Variants in TASOR2 observed in about 807,000 individuals in gnomAD.
TASOR2 encodes the protein protein TASOR 2.
In TASOR2, 84 loss-of-function variants were observed where a neutral mutation model predicts 199.5. That is an observed-to-expected ratio of 0.42 (90% CI 0.35 to 0.50). The LOEUF (loss-of-function observed/expected upper bound fraction) is 0.50, where lower values mean the gene tolerates loss of function less well. Among genes scored for constraint, TASOR2 ranks in the 20% least tolerant of loss-of-function variants. TASOR2 has a pLI of 0.02. For missense variants in TASOR2, 2,796 were observed against 2,835.9 expected (o/e 0.99, Z 0.32); for synonymous variants, 1,103 against 1,046.6 (o/e 1.05, Z -1.04).
intron 1 of TASOR2, among the ~76,000 whole-genome samples, chr10:5,688,689 C>A (rs948970383): frequency 4.6e-5 from 7 of 152,124 alleles, no homozygotes. Context: ...GCAGCTCTTT[C>A]ACATGACACA....
chr10:5,694,762 C>A (rs1417299273), intron 1 of TASOR2, among the ~76,000 whole-genome samples: 1 of 152,136 alleles, frequency 6.6e-6, no homozygotes, highest in African/African-American at 2.4e-5. Flanking sequence ...ATCTGGTGAA[C>A]GTTATATAGT....
intron 1 of TASOR2, chr10:5,712,366 C>G: frequency 8.1e-7 from 1 of 1,230,396 alleles, no homozygotes; most frequent in Non-Finnish European, 1.0e-6. Flanking sequence ...TCTTAAATAG[C>G]TGCGTTATTT....
chr10:5,739,544 A>G, intron 12 of TASOR2, 74 bp from the exon 14 acceptor site: 2 of 1,384,108 alleles, frequency 1.4e-6, no homozygotes, highest in African/African-American at 2.9e-5. Flanking sequence ...TGAATTAACC[A>G]TCATAGTAAT....
intron 6 of TASOR2, among the ~76,000 whole-genome samples, chr10:5,721,827 G>T (rs1833394856): frequency 6.6e-6 from 1 of 152,164 alleles, no homozygotes; most frequent in African/African-American, 2.4e-5. Flanking sequence ...ACTTACCAGT[G>T]GAGTAAACTG....
At chr10:5,747,254 A>G in exon 15 of TASOR2, 1 of 1,614,198 alleles carries the variant, frequency 6.2e-7, no homozygotes. Flanking sequence ...TTATCAGAGG[A>G]AGATTCTGAC....
intron 17 of TASOR2, 137 bp downstream of exon 18, chr10:5,757,810 C>T: frequency 1.2e-6 from 1 of 831,784 alleles, no homozygotes; most frequent in Non-Finnish European, 1.9e-6. Context: ...ATAATTTCTG[C>T]TGTCTGCTGT....
At chr10:5,745,893 T>C (rs1243809633) in intron 14 of TASOR2, among the ~76,000 whole-genome samples, 1 of 152,214 alleles carries the variant, frequency 6.6e-6, no homozygotes, top group Non-Finnish European at 1.5e-5. Context: ...TTAAAGTCTT[T>C]TAAATTGTCA....
intron 2 of TASOR2, among the ~76,000 whole-genome samples, chr10:5,715,536 T>C (rs1832514882): frequency 6.6e-6 from 1 of 152,210 alleles, no homozygotes; most frequent in South Asian, 2.1e-4. Flanking sequence ...AGGCATATTG[T>C]AGCATGAACC....
At position 5,701,239 on chromosome 10, in the gene TASOR2, G is replaced by A. The variant is rs1321426727; in HGVS notation, c.-287-11584G>A. On this transcript the variant is annotated intron_variant, in intron 1 of 20. Transcript: ENST00000328090. The surrounding 1 kb of genome is among the most constrained non-coding windows in gnomAD (Gnocchi z 4.9). The stretch of plus-strand genomic sequence containing the variant: ...CCCACCACCGTTTATCAAAGAGACT[G>A]TCCTTTTCCCATTGTATGTTTTAGC... 1.3e-5 allele frequency among the ~76,000 whole-genome samples: 2 copies of A among 152,114 alleles called. No individual in the cohort carries two copies. Among genetic ancestry groups the A allele is most frequent in the African/African-American group, 2.4e-5 (1 of 41,416 alleles).
Position 5,720,253 on chromosome 10 carries a change from A to C in TASOR2, c.-99-291A>C. 1 of 985,246 alleles carries C rather than the reference A, an allele frequency of 1.0e-6. No individual in the cohort carries two copies. The highest frequency in any genetic ancestry group is 4.7e-5 in the South Asian group (1 of 21,290). The allele number at this position is 985,246 out of a possible 1,614,324, so 61.0% of individuals were successfully genotyped here. ...GCATCTGATTAGTTTTAATATTTTC[A>C]TTCTAGGGAAAAGTCAAGTTTGTGT... is the stretch of plus-strand genomic sequence containing the variant. On this transcript the variant is annotated intron_variant, in intron 3 of 20. Coordinates refer to ENST00000328090, the Ensembl canonical transcript of TASOR2. The surrounding 1 kb of genome is among the most constrained non-coding windows in gnomAD (Gnocchi z 5.3).
rs74113742 is a variant in TASOR2 at position 5,737,508 on chromosome 10, C to T, written c.1447+1962C>T. Among the ~76,000 whole-genome samples the T allele has an allele frequency of 7.7e-3, 1,167 of 151,996 alleles. 20 individuals carry two copies. The highest frequency in any genetic ancestry group is 0.026 in the African/African-American group (1,079 of 41,444). On this transcript the variant is annotated intron_variant, in intron 12 of 20. Transcript: ENST00000328090. The surrounding 1 kb of genome is among the most constrained non-coding windows in gnomAD (Gnocchi z 4.9). ...TGCGTTGTGCCTCTGCTGTTGCCAC[C>T]GTGCTCCTTCCCCTGCGGCCCTCTG...
At chr10:5,709,101 A>G (rs75844517) in intron 1 of TASOR2, among the ~76,000 whole-genome samples, 1,903 of 152,308 alleles carry the variant, frequency 0.012, 46 homozygotes, top group African/African-American at 0.041. Context: ...TTGGATGCAT[A>G]ATAGTCACCA....
At chr10:5,691,751 A>G (rs1192051489) in intron 1 of TASOR2, among the ~76,000 whole-genome samples, 1 of 152,152 alleles carries the variant, frequency 6.6e-6, no homozygotes, top group African/African-American at 2.4e-5. Flanking sequence ...CAAACACTTC[A>G]TCTTCCCCCT....
chr10:5,734,836 A>G (rs895444137), intron 11 of TASOR2, among the ~76,000 whole-genome samples: 9 of 138,936 alleles, frequency 6.5e-5, no homozygotes, highest in African/African-American at 2.4e-4. Context: ...AGCTGGGACT[A>G]TGGGCACATG....
intron 1 of TASOR2, among the ~76,000 whole-genome samples, chr10:5,703,338 A>C (rs1838136950): frequency 6.6e-6 from 1 of 152,022 alleles, no homozygotes; most frequent in Non-Finnish European, 1.5e-5. Flanking sequence ...TGGCTGTTGA[A>C]TTTTATGTCT....
At chr10:5,749,569 C>A (rs1439677492) in exon 15 of TASOR2, 1 of 1,614,106 alleles carries the variant, frequency 6.2e-7, no homozygotes, top group Non-Finnish European at 8.5e-7. Flanking sequence ...AGATCCCAGA[C>A]CACAGGGGCA....
chr10:5,726,319 T>C (rs1053454032), intron 8 of TASOR2, among the ~76,000 whole-genome samples: 1 of 152,206 alleles, frequency 6.6e-6, no homozygotes, highest in Admixed American at 6.5e-5. Flanking sequence ...AAGACTCTAA[T>C]AGAGGGGAAC....
chr10:5,749,872 T>A (rs1194717449), exon 15 of TASOR2: 1 of 1,614,104 alleles, frequency 6.2e-7, no homozygotes, highest in Non-Finnish European at 8.5e-7. Flanking sequence ...GTATCTGCCT[T>A]TCCCAGGACG....
In TASOR2 at chr10:5,710,469, C is replaced by A. The variant is rs1004192381; in HGVS notation, c.-287-2354C>A. Among the ~76,000 whole-genome samples the A allele has an allele frequency of 6.6e-6, 1 of 151,998 alleles. No homozygotes were observed. Among genetic ancestry groups the A allele is most frequent in the Non-Finnish European group, 1.5e-5 (1 of 67,910 alleles). On this transcript the variant is annotated intron_variant, in intron 1 of 20. Transcript: ENST00000328090. This position sits in a 1 kb window ranked among gnomAD's most constrained non-coding sequence, Gnocchi z 4.6. ...AATTTGGTACTTGTTCCTCCTCCTT[C>A]GTTTTAAATCATTGGCTTTATTTAT...
Sources: allele counts gnomAD v4.1 joint callset (sites outside exome capture counted in the v4.1 genomes callset), GRCh38; gene constraint gnomAD v4.1.1; non-coding constraint Gnocchi (gnomAD v3.1); transcripts MANE v1.5; gene names NCBI Gene and HGNC (gene_info 2026-07-23, HGNC 2026-07-21).